Variants in WWOX observed in about 807,000 individuals in gnomAD.
The protein encoded by WWOX is WW domain-containing oxidoreductase.
A neutral mutation model predicts 46.2 loss-of-function variants in WWOX; 69 were observed. The observed-to-expected ratio is 1.49, with a 90% CI of 1.23 to 1.82. The LOEUF (loss-of-function observed/expected upper bound fraction) is 1.82. WWOX is among the 40% of genes most tolerant of loss of function. WWOX has a pLI of 0.00. For missense variants in WWOX, 919 were observed against 542.6 expected (o/e 1.69, Z -6.89); for synonymous variants, 359 against 202.6 (o/e 1.77, Z -6.56).
chr16:78,733,056 A>G (rs187511027), intron 8 of WWOX, among the ~76,000 whole-genome samples: 18 of 152,256 alleles, frequency 1.2e-4, no homozygotes, highest in Admixed American at 3.3e-4. Flanking sequence ...ACATTTTAAT[A>G]ATGTAAAACC....
intron 8 of WWOX, among the ~76,000 whole-genome samples, chr16:78,663,715 G>A (rs1336079544): frequency 1.3e-5 from 2 of 152,154 alleles, no homozygotes; most frequent in South Asian, 2.1e-4. Context: ...AAAGAAAACA[G>A]ATAGTGATTG....
intron 8 of WWOX, among the ~76,000 whole-genome samples, chr16:78,505,892 C>A (rs1459246898): frequency 1.3e-5 from 2 of 152,140 alleles, no homozygotes; most frequent in African/African-American, 2.4e-5. Flanking sequence ...CCTTTCTCTC[C>A]CTAATCATGA....
At position 78,386,912 on chromosome 16, in the gene WWOX, T is replaced by A. The variant is rs945231997; in HGVS notation, c.569T>A (p.Val190Glu). Residue 190 changes from valine to glutamate, a missense_variant, in exon 6 of 9, where the codon GTG becomes GAG. Coordinates refer to ENST00000566780, the MANE Select transcript of WWOX (RefSeq NM_016373.4). ...CTGGACCTCGCTCTGCTCCGTAGCGTGCAGCATTTTGCTGAAGCATTCAAG... is the reference window on the plus strand; with the variant it reads ...CTGGACCTCGCTCTGCTCCGTAGCGAGCAGCATTTTGCTGAAGCATTCAAG... ...MTLDLALLRS[V>E]QHFAEAFKAK... The A allele has an allele frequency of 6.2e-7, 1 of 1,614,150 alleles. No homozygotes were observed. Among genetic ancestry groups the A allele is most frequent in the South Asian group, 1.1e-5 (1 of 91,078 alleles).
chr16:78,704,773 C>G (rs1038515083), intron 8 of WWOX, among the ~76,000 whole-genome samples: 12 of 152,142 alleles, frequency 7.9e-5, no homozygotes, highest in African/African-American at 2.7e-4. Flanking sequence ...TGACTCCTTT[C>G]TTTCAGGCAA....
intron 5 of WWOX, among the ~76,000 whole-genome samples, chr16:78,365,243 T>C (rs4888787): frequency 1.3e-5 from 2 of 152,128 alleles, no homozygotes; most frequent in East Asian, 3.9e-4. Context: ...CTTCTGACAT[T>C]ATCAGTGTGA....
intron 8 of WWOX, among the ~76,000 whole-genome samples, chr16:78,965,226 A>G (rs1199343130): frequency 6.6e-6 from 1 of 152,242 alleles, no homozygotes; most frequent in Non-Finnish European, 1.5e-5. Context: ...GAACAATAGT[A>G]ACAATTCCAC....
chr16:79,090,707 G>A (rs1056604419), intron 8 of WWOX, among the ~76,000 whole-genome samples: 1 of 152,200 alleles, frequency 6.6e-6, no homozygotes, highest in Non-Finnish European at 1.5e-5. Flanking sequence ...CCCGAGTGAG[G>A]CACATGCTCG....
At chr16:79,092,000 C>T (rs142126364) in intron 8 of WWOX, among the ~76,000 whole-genome samples, 6 of 152,098 alleles carry the variant, frequency 3.9e-5, no homozygotes, top group South Asian at 2.1e-4. Context: ...AAGATGGTCT[C>T]GATCTCTTGA....
At chr16:78,579,254 T>G (rs146458708) in intron 8 of WWOX, among the ~76,000 whole-genome samples, 2 of 152,180 alleles carry the variant, frequency 1.3e-5, no homozygotes, top group African/African-American at 2.4e-5. Flanking sequence ...CGTCACAGTT[T>G]CGTCAAGGAG....
At chr16:78,520,794 G>C (rs991143993) in intron 8 of WWOX, among the ~76,000 whole-genome samples, 1 of 152,190 alleles carries the variant, frequency 6.6e-6, no homozygotes, top group African/African-American at 2.4e-5. Context: ...CTGTGATGAG[G>C]ACTGATTTTC....
Position 78,993,847 on chromosome 16 carries a change from C to A in WWOX, c.1057-217761C>A, listed in dbSNP as rs1216135936. Among the ~76,000 whole-genome samples the A allele has an allele frequency of 2.0e-5, 3 of 152,208 alleles. No homozygotes were observed. The East Asian group carries it at 5.8e-4, about 29-fold the overall frequency. On this transcript the variant is annotated intron_variant, in intron 8 of 8. Transcript: ENST00000566780. ...AAGAAGCCAAGACGCCTGTTCTCCACGGCGGAGCCCGCTGGTCGGTCACTC... is the reference window on the plus strand; with the variant it reads ...AAGAAGCCAAGACGCCTGTTCTCCAAGGCGGAGCCCGCTGGTCGGTCACTC...
chr16:78,887,495 AC>A (rs1183860821), intron 8 of WWOX, among the ~76,000 whole-genome samples: 1 of 148,700 alleles, frequency 6.7e-6, no homozygotes, highest in African/African-American at 2.6e-5. Context: ...ACACACACAC[AC>A]ACACACACAC....
chr16:78,558,110 T>G (rs2044350539), intron 8 of WWOX, among the ~76,000 whole-genome samples: 1 of 152,182 alleles, frequency 6.6e-6, no homozygotes. Flanking sequence ...CGGCTCATTC[T>G]TGGCTTTCAG....
intron 5 of WWOX, among the ~76,000 whole-genome samples, chr16:78,254,723 T>C (rs948120725): frequency 6.6e-6 from 1 of 151,898 alleles, no homozygotes; most frequent in Admixed American, 6.6e-5. Flanking sequence ...GAGATGGGGT[T>C]TCACTCTGTT....
intron 8 of WWOX, among the ~76,000 whole-genome samples, chr16:79,167,618 C>G (rs898766618): frequency 5.9e-5 from 9 of 152,142 alleles, no homozygotes; most frequent in Admixed American, 3.9e-4. Context: ...CCACAGTGCC[C>G]AAGTCACTTG....
At chr16:78,863,983 T>C (rs2043948368) in intron 8 of WWOX, among the ~76,000 whole-genome samples, 1 of 152,320 alleles carries the variant, frequency 6.6e-6, no homozygotes, top group African/African-American at 2.4e-5. Flanking sequence ...CCAAATATTT[T>C]TCTCCTTTCA....
intron 8 of WWOX, among the ~76,000 whole-genome samples, chr16:79,167,866 A>G (rs527310475): frequency 5.3e-4 from 80 of 152,280 alleles, no homozygotes; most frequent in Middle Eastern, 6.8e-3. Context: ...TCATCACCCC[A>G]GAAAAGCATA....
At chr16:78,837,298 C>T (rs1015079070) in intron 8 of WWOX, among the ~76,000 whole-genome samples, 3 of 152,168 alleles carry the variant, frequency 2.0e-5, no homozygotes, top group Non-Finnish European at 2.9e-5. Context: ...TTCATTTCTT[C>T]CAACACTTAG....
chr16:78,703,338 G>A (rs1168169733), intron 8 of WWOX, among the ~76,000 whole-genome samples: 3 of 152,074 alleles, frequency 2.0e-5, no homozygotes, highest in South Asian at 2.1e-4. Flanking sequence ...AGTTAAGGCC[G>A]GGCATGGTGG....
Sources: gnomAD v4.1 joint callset for allele counts (sites outside exome capture counted in the v4.1 genomes callset) on GRCh38, gnomAD v4.1.1 for gene constraint, MANE v1.5 for transcripts, NCBI Gene and HGNC (gene_info 2026-07-23, HGNC 2026-07-21) for gene names.